Variants in ABHD12 observed in about 807,000 individuals in gnomAD.
ABHD12 encodes the protein abhydrolase domain containing 12, lysophospholipase.
A neutral mutation model predicts 58.3 loss-of-function variants in ABHD12; 43 were observed. That is an observed-to-expected ratio of 0.74 (90% confidence interval 0.58 to 0.95). The LOEUF (loss-of-function observed/expected upper bound fraction) is 0.95, where lower values mean the gene tolerates loss of function less well. Ranked by LOEUF, ABHD12 falls within the 40% of genes least tolerant of loss-of-function variation. ABHD12 has a pLI of 0.00. For missense variants in ABHD12, 539 were observed against 537.2 expected, an observed-to-expected ratio of 1.00 and a Z score of -0.03; for synonymous variants, 219 against 211.2, an observed-to-expected ratio of 1.04 and a Z score of -0.32.
At position 25,322,381 on chromosome 20, in the gene ABHD12, A is replaced by ATATATT; in HGVS notation, c.422+943_422+944insAATATA. 2.9e-4 allele frequency among the ~76,000 whole-genome samples: 17 copies of ATATATT among 59,268 alleles called. 1 individual carries two copies. The highest frequency in any genetic ancestry group is 1.4e-3 in the African/African-American group (17 of 12,096). 38.9% of individuals were successfully genotyped at this position (59,268 alleles called of 152,430 possible). On this transcript the variant is annotated intron_variant, in intron 3 of 12. Coordinates refer to ENST00000339157, the MANE Select transcript of ABHD12 (RefSeq NM_001042472.3). ...GGAAAAGATATATATATATATATAT[A>ATATATT]TTTTTTTTTTTTTTTGAGACAAGAG...
chr20:25,339,562 G>A (rs981539065), intron 1 of ABHD12: 91 of 1,437,756 alleles, frequency 6.3e-5, no homozygotes, highest in Admixed American at 1.7e-4. Flanking sequence ...CTCTACTGGG[G>A]GTAAGAGGAA....
chr20:25,314,350 C>T (rs980475639), intron 6 of ABHD12, among the ~76,000 whole-genome samples: 3 of 152,082 alleles, frequency 2.0e-5, no homozygotes, highest in African/African-American at 7.2e-5. Flanking sequence ...TGACGTCCAG[C>T]TCTGCAGTCT....
intron 1 of ABHD12, 36 bp downstream of exon 1, chr20:25,390,477 G>GGGCCCCCCCCCCCCCCC: frequency 1.0e-5 from 1 of 98,530 alleles, no homozygotes; most frequent in Non-Finnish European, 1.3e-5. Flanking sequence ...TGAGGGACCG[G>GGGCCCCCCCCCCCCCCC]CCCCCCCCCC....
At chr20:25,306,229 A>G (rs759006633) in intron 10 of ABHD12, among the ~76,000 whole-genome samples, 3 of 152,128 alleles carry the variant, frequency 2.0e-5, no homozygotes, top group African/African-American at 4.8e-5. Flanking sequence ...CACTGTTTTA[A>G]TATGTGTTTT....
intron 1 of ABHD12, among the ~76,000 whole-genome samples, chr20:25,353,901 C>G (rs1365679770): frequency 6.6e-6 from 1 of 152,166 alleles, no homozygotes; most frequent in African/African-American, 2.4e-5. Context: ...TGCGTGATCA[C>G]TAACGTGCCA....
chr20:25,320,343 G>A (rs182469939), intron 3 of ABHD12, 25 bp from the exon 4 acceptor site: 49 of 1,611,740 alleles, frequency 3.0e-5, no homozygotes, highest in African/African-American at 4.0e-5. Context: ...AGAGGGGAGC[G>A]CAGGATCAGA....
intron 2 of ABHD12, chr20:25,338,778 G>A (rs2089413636): frequency 1.0e-6 from 1 of 994,786 alleles, no homozygotes. Context: ...ATTTTTCAGT[G>A]GTCATCTTTT....
At chr20:25,329,066 A>G (rs1295100904) in intron 2 of ABHD12, among the ~76,000 whole-genome samples, 1 of 152,238 alleles carries the variant, frequency 6.6e-6, no homozygotes, top group Non-Finnish European at 1.5e-5. Flanking sequence ...CCTGCAGGCC[A>G]GTGCCAGGCG....
At position 25,320,299 on chromosome 20, in the gene ABHD12, A is replaced by G; in HGVS notation, c.442T>C (p.Trp148Arg). 2 of 1,614,072 alleles carry G rather than the reference A, an allele frequency of 1.2e-6. No individual in the cohort carries two copies. The highest frequency in any genetic ancestry group is 3.3e-5 in the Admixed American group (2 of 60,034). The stretch of plus-strand genomic sequence containing the variant: ...TCTTTGCCTTGGGCGTTCTTCCACC[A>G]GACTGCAGGGACGGTGTGCCTGCAG... ...IGVWHTVPAV[W>R]WKNAQGKDQM... Residue 148 changes from tryptophan (W) to arginine (R), a missense_variant, in exon 4 of 13, where the codon TGG (tryptophan) becomes CGG (arginine). Trp to Arg is a moderately radical substitution (Grantham distance 101). Transcript: ENST00000339157.
intron 1 of ABHD12, among the ~76,000 whole-genome samples, chr20:25,346,482 A>T (rs2089520112): frequency 6.6e-6 from 1 of 152,166 alleles, no homozygotes. Flanking sequence ...TGGGGTGATG[A>T]TGTGTCAATG....
intron 1 of ABHD12, among the ~76,000 whole-genome samples, chr20:25,388,141 T>C (rs1429197898): frequency 4.7e-5 from 2 of 42,618 alleles, no homozygotes; most frequent in African/African-American, 3.3e-4. Flanking sequence ...TTTTAAGTGA[T>C]GGACACATGA....
intron 1 of ABHD12, among the ~76,000 whole-genome samples, chr20:25,344,217 A>G (rs1811443941): frequency 6.6e-6 from 1 of 152,236 alleles, no homozygotes; most frequent in Non-Finnish European, 1.5e-5. Flanking sequence ...AAGATTACAC[A>G]ATAAGATAAG....
At chr20:25,296,613 TG>T (rs1357732908), downstream of ABHD12, 4 of 1,467,502 alleles carry the variant, frequency 2.7e-6, no homozygotes, top group African/African-American at 5.6e-5. Flanking sequence ...CAGCCACTGG[TG>T]GTCCCTGCTT....
chr20:25,300,920 G>C (rs754588743), intron 12 of ABHD12, 36 bp from the exon 13 acceptor site: 2 of 1,604,732 alleles, frequency 1.2e-6, no homozygotes, highest in Non-Finnish European at 1.7e-6. Flanking sequence ...AATCATTTGA[G>C]CTCAGACCAA....
At chr20:25,390,411 A>G in intron 1 of ABHD12, 102 bp downstream of exon 1, 3 of 1,159,340 alleles carry the variant, frequency 2.6e-6, no homozygotes, top group Non-Finnish European at 1.1e-6. Context: ...GCGGACGGCC[A>G]CTCTGGGAGG....
intron 1 of ABHD12, among the ~76,000 whole-genome samples, chr20:25,380,750 G>GTC (rs2090012666): frequency 6.6e-6 from 1 of 152,092 alleles, no homozygotes; most frequent in South Asian, 2.1e-4. Context: ...GTCCTGACTT[G>GTC]TCTGCTGGGA....
At chr20:25,386,511 C>T (rs916072055) in intron 1 of ABHD12, among the ~76,000 whole-genome samples, 5 of 151,824 alleles carry the variant, frequency 3.3e-5, no homozygotes, top group African/African-American at 7.2e-5. Flanking sequence ...CAGCCTGCCT[C>T]GGCCTCCCAA....
chr20:25,390,791 G>A lies in ABHD12; in HGVS notation c.-88C>T, dbSNP rs1290734241. On this transcript the variant is annotated 5_prime_UTR_variant, in exon 1 of 13. Coordinates refer to ENST00000339157, the MANE Select transcript of ABHD12 (RefSeq NM_001042472.3). The stretch of plus-strand genomic sequence containing the variant: ...CACAGCCGCCGCCACCCAGAGCCCG[G>A]AGCCCGGAACCCGCCGCTCCTCACA... 3.2e-6 allele frequency: 3 copies of A among 949,514 alleles called. No individual in the cohort carries two copies. Among genetic ancestry groups the A allele is most frequent in the African/African-American group, 1.8e-5 (1 of 56,696 alleles). The allele number at this position is 949,514 out of a possible 1,614,324, so 58.8% of individuals were successfully genotyped here. A position where few individuals can be genotyped will look rare whatever the true frequency, so the allele number is the denominator to read the frequency against.
At position 25,390,560 on chromosome 20, in the gene ABHD12, A is replaced by T; in HGVS notation, c.144T>A (p.Ala48=). The change falls in exon 1 of 13, where the codon GCT becomes GCA. Residue 48 remains alanine (A), a synonymous_variant. Transcript: ENST00000339157. ...CCGCGTCGGCTGCGCAGCGCGGCTC[A>T]GCCGCCGCCGGGCCCGTCAGGCGTA... ...QNLRLTGPAA[A]EPRCAADAGM... 6.9e-7 allele frequency: 1 copy of T among 1,448,360 alleles called. No homozygotes were observed. Among genetic ancestry groups the T allele is most frequent in the Non-Finnish European group, 9.0e-7 (1 of 1,106,012 alleles). The allele number at this position is 1,448,360 out of a possible 1,614,324, so 89.7% of individuals were successfully genotyped here.
Sources: allele counts gnomAD v4.1 joint callset (sites outside exome capture counted in the v4.1 genomes callset), GRCh38; gene constraint gnomAD v4.1.1; transcripts MANE v1.5; gene names NCBI Gene and HGNC (gene_info 2026-07-23, HGNC 2026-07-21).